The following PTPRM variants were observed in gnomAD, a reference collection of about 807,000 sequenced individuals.
PTPRM encodes the protein protein tyrosine phosphatase receptor type M.
In PTPRM, 47 loss-of-function variants were observed where a neutral mutation model predicts 186.7. The observed-to-expected ratio is 0.25, with a 90% CI of 0.20 to 0.32. PTPRM has a LOEUF of 0.32. Among genes scored for constraint, PTPRM ranks in the 10% least tolerant of loss-of-function variants. PTPRM has a pLI of 1.00. For missense variants in PTPRM, 1,494 were observed against 1,865.0 expected (o/e 0.80, Z 3.66); for synonymous variants, 668 against 674.9 (o/e 0.99, Z 0.16).
chr18:7,945,925 C>T (rs12957993), intron 5 of PTPRM, among the ~76,000 whole-genome samples: 29,385 of 152,010 alleles, frequency 0.19, 3,083 homozygotes, highest in African/African-American at 0.25. Context: ...TAAGCTAAAA[C>T]GATTGCTGCT....
chr18:8,345,460 T>A (rs2095500129), intron 23 of PTPRM, among the ~76,000 whole-genome samples: 1 of 151,980 alleles, frequency 6.6e-6, no homozygotes, highest in Non-Finnish European at 1.5e-5. Flanking sequence ...TTTGATGAAT[T>A]AGGTAATTTT....
chr18:7,683,920 G>T (rs1432577201), intron 1 of PTPRM, among the ~76,000 whole-genome samples: 3 of 152,054 alleles, frequency 2.0e-5, no homozygotes, highest in South Asian at 2.1e-4. Flanking sequence ...TCAGTCTGAG[G>T]TTCCTGTTTT....
intron 7 of PTPRM, among the ~76,000 whole-genome samples, chr18:8,063,139 G>A (rs1184474536): frequency 6.6e-6 from 1 of 151,098 alleles, no homozygotes; most frequent in Admixed American, 6.6e-5. Flanking sequence ...CTCCGAGCCA[G>A]GTGTGGGATA....
At chr18:7,722,253 T>G (rs988300930) in intron 1 of PTPRM, among the ~76,000 whole-genome samples, 3 of 152,228 alleles carry the variant, frequency 2.0e-5, no homozygotes, top group African/African-American at 7.2e-5. Context: ...TCATACAGTG[T>G]ATAGTCTTTT....
intron 7 of PTPRM, among the ~76,000 whole-genome samples, chr18:8,068,756 A>G (rs2089261176): frequency 6.6e-6 from 1 of 152,210 alleles, no homozygotes; most frequent in Non-Finnish European, 1.5e-5. Context: ...TTCCAATTAC[A>G]TGATTATAAA....
At chr18:7,966,807 G>A (rs1297906875) in intron 7 of PTPRM, among the ~76,000 whole-genome samples, 2 of 130,046 alleles carry the variant, frequency 1.5e-5, no homozygotes, top group Admixed American at 7.7e-5. Context: ...AGGGTCCTAC[G>A]CCCACGGAGT....
Position 8,069,693 on chromosome 18 carries a change from G to T in PTPRM, c.1140G>T (p.Met380Ile), listed in dbSNP as rs1297903462. Residue 380 changes from methionine to isoleucine, a missense_variant, in exon 8 of 33, where the codon ATG (methionine) becomes ATT (isoleucine). Coordinates refer to ENST00000580170, the MANE Select transcript of PTPRM (RefSeq NM_001105244.2). Reference sequence around the variant, plus strand: ...GTCTTCTTTTCTAAATAGATCCCATGCGAGGCCCAAGAAAACTAGAAGTAG... The same window carrying T: ...GTCTTCTTTTCTAAATAGATCCCATTCGAGGCCCAAGAAAACTAGAAGTAG... Reference protein sequence around the residue: ...LRTRTKCADPMRGPRKLEVVE... With the variant: ...LRTRTKCADPIRGPRKLEVVE... 1.7e-5 allele frequency: 28 copies of T among 1,611,012 alleles called. No homozygotes were observed. The highest frequency in any genetic ancestry group is 2.4e-5 in the Non-Finnish European group (28 of 1,177,562).
chr18:8,308,982 T>A (rs1163628814), intron 20 of PTPRM, among the ~76,000 whole-genome samples: 1 of 152,246 alleles, frequency 6.6e-6, no homozygotes, highest in African/African-American at 2.4e-5. Flanking sequence ...TTTTTTGTTG[T>A]TCAACTATGT....
At chr18:7,639,687 C>T (rs901185521) in intron 1 of PTPRM, among the ~76,000 whole-genome samples, 5 of 152,174 alleles carry the variant, frequency 3.3e-5, no homozygotes, top group Admixed American at 2.0e-4. Flanking sequence ...CCACCGCTCT[C>T]GGCCTCTATA....
chr18:8,151,296 G>T (rs963835537), intron 14 of PTPRM, among the ~76,000 whole-genome samples: 1 of 152,054 alleles, frequency 6.6e-6, no homozygotes, highest in Non-Finnish European at 1.5e-5. Context: ...TCTCTGACTG[G>T]GGCTGCTGCC....
intron 20 of PTPRM, among the ~76,000 whole-genome samples, chr18:8,314,157 A>G (rs1208433689): frequency 1.3e-5 from 2 of 152,158 alleles, no homozygotes; most frequent in African/African-American, 2.4e-5. Context: ...TTGTGTTTTC[A>G]TTGAATCCTG....
intron 14 of PTPRM, among the ~76,000 whole-genome samples, chr18:8,182,733 G>A (rs745661186): frequency 5.3e-5 from 8 of 152,094 alleles, no homozygotes; most frequent in African/African-American, 1.7e-4. Flanking sequence ...AACTTTGATC[G>A]CTTTCTTGTC....
intron 7 of PTPRM, among the ~76,000 whole-genome samples, chr18:8,063,363 A>G (rs2088776894): frequency 6.6e-6 from 1 of 151,424 alleles, no homozygotes; most frequent in South Asian, 2.1e-4. Context: ...CTCCCTAGTG[A>G]GATGAACCCG....
intron 4 of PTPRM, among the ~76,000 whole-genome samples, chr18:7,910,724 T>C (rs2050218398): frequency 6.6e-6 from 1 of 152,226 alleles, no homozygotes; most frequent in East Asian, 1.9e-4. Context: ...CCAGCCTGAC[T>C]GGTTGCAGGA....
At chr18:7,607,209 CA>C (rs2037552633) in intron 1 of PTPRM, among the ~76,000 whole-genome samples, 2 of 152,190 alleles carry the variant, frequency 1.3e-5, no homozygotes, top group African/African-American at 4.8e-5. Context: ...TAAATTAACA[CA>C]ATTTTAATGA....
intron 13 of PTPRM, among the ~76,000 whole-genome samples, chr18:8,139,440 G>A (rs1181274884): frequency 6.6e-6 from 1 of 152,118 alleles, no homozygotes; most frequent in African/African-American, 2.4e-5. Context: ...TGCCTCCACC[G>A]TGGCCCGCTA....
chr18:8,265,649 C>A (rs577858036), intron 19 of PTPRM, among the ~76,000 whole-genome samples: 2 of 152,096 alleles, frequency 1.3e-5, no homozygotes, highest in Non-Finnish European at 2.9e-5. Flanking sequence ...CAAAAAATAA[C>A]CAGTTGAAAA....
At chr18:7,932,186 G>T (rs1339248594) in intron 5 of PTPRM, among the ~76,000 whole-genome samples, 1 of 152,188 alleles carries the variant, frequency 6.6e-6, no homozygotes, top group African/African-American at 2.4e-5. Context: ...TTCAACAAAG[G>T]ATGAACAGAT....
intron 2 of PTPRM, among the ~76,000 whole-genome samples, chr18:7,854,037 A>C (rs1388462964): frequency 2.6e-5 from 4 of 152,192 alleles, no homozygotes; most frequent in Non-Finnish European, 5.9e-5. Context: ...CATTTGTTAG[A>C]ATGCATTTCA....
Sources: allele counts gnomAD v4.1 joint callset (sites outside exome capture counted in the v4.1 genomes callset), GRCh38; gene constraint gnomAD v4.1.1; transcripts MANE v1.5; gene names NCBI Gene and HGNC (gene_info 2026-07-23, HGNC 2026-07-21).